The following STRN3 variants were observed in gnomAD, a reference collection of about 807,000 sequenced individuals.
STRN3 encodes striatin-3.
STRN3 carries 29 observed loss-of-function variants against 95.6 expected under a neutral mutation model. The observed-to-expected ratio is 0.30, with a 90% CI of 0.23 to 0.41. STRN3 has a LOEUF of 0.41. Ranked by LOEUF, STRN3 falls within the 10% of genes least tolerant of loss-of-function variation. The pLI, the probability that STRN3 is intolerant of heterozygous loss-of-function variation, is 1.00. For synonymous variants in STRN3, 331 were observed against 357.6 expected (o/e 0.93, Z 0.84); for missense variants, 890 against 972.1 (o/e 0.92, Z 1.12).
At chr14:30,905,664 T>C (rs1896443243) in intron 14 of STRN3, 106 bp from the exon 15 acceptor site, 3 of 1,203,136 alleles carry the variant, frequency 2.5e-6, no homozygotes, top group African/African-American at 1.6e-5. Context: ...ATTCAAATAG[T>C]CTTGAAATAC....
At chr14:30,968,672 C>A in intron 1 of STRN3, among the ~76,000 whole-genome samples, 1 of 96,744 alleles carries the variant, frequency 1.0e-5, no homozygotes, top group Non-Finnish European at 2.1e-5. Flanking sequence ...GAGGGAGACT[C>A]CATCTCAAAA....
At position 31,008,172 on chromosome 14, in the gene STRN3, C is replaced by A. The variant is rs543279212; in HGVS notation, c.282+17732G>T. ...CGCCGTTGCACTCTAGCCTAGGCAA[C>A]AGAGTGAGACTCCGTCTCAAAAAAA... On this transcript the variant is annotated intron_variant, in intron 1 of 17. Transcript: ENST00000357479. Among the ~76,000 whole-genome samples the A allele has an allele frequency of 3.3e-5, 5 of 150,534 alleles. 1 individual carries two copies. In the South Asian group the frequency reaches 1.1e-3, roughly 32 times the overall value.
At chr14:30,969,199 G>C (rs1880700517) in intron 1 of STRN3, among the ~76,000 whole-genome samples, 1 of 152,190 alleles carries the variant, frequency 6.6e-6, no homozygotes, top group African/African-American at 2.4e-5. Context: ...ACTTTGGGAG[G>C]CCGAGGAGGG....
chr14:30,949,250 AG>A (rs11478026), intron 4 of STRN3, among the ~76,000 whole-genome samples: 96,623 of 151,916 alleles, frequency 0.64, 31,702 homozygotes, highest in Non-Finnish European at 0.73. Context: ...GTCACTTATA[AG>A]GAGAGCCTGG....
At chr14:31,002,559 T>C (rs1882514533) in intron 1 of STRN3, among the ~76,000 whole-genome samples, 1 of 150,890 alleles carries the variant, frequency 6.6e-6, no homozygotes, top group South Asian at 2.1e-4. Context: ...GACAATCACT[T>C]GAACCCAGGA....
chr14:31,006,032 T>A (rs925235395), intron 1 of STRN3, among the ~76,000 whole-genome samples: 1 of 148,186 alleles, frequency 6.7e-6, no homozygotes, highest in Non-Finnish European at 1.5e-5. Context: ...GGCAGGACAA[T>A]CTCTTGAACC....
intron 7 of STRN3, 21 bp downstream of exon 7, chr14:30,935,142 G>T: frequency 6.2e-7 from 1 of 1,609,742 alleles, no homozygotes; most frequent in African/African-American, 1.3e-5. Flanking sequence ...CCTCCCACCC[G>T]GTATTTCTTT....
Position 30,914,632 on chromosome 14 carries a change from G to A in STRN3, c.1241-975C>T, listed in dbSNP as rs138890966. Reference sequence around the variant, plus strand: ...CTCCCAAAGTGCTGGGATTACAGGCGTGAGCCACCGCGCCCAGCCTGTCTT... The same window carrying A: ...CTCCCAAAGTGCTGGGATTACAGGCATGAGCCACCGCGCCCAGCCTGTCTT... On this transcript the variant is annotated intron_variant, in intron 9 of 17. Transcript: ENST00000357479. Among the ~76,000 whole-genome samples the A allele has an allele frequency of 3.4e-3, 519 of 152,248 alleles. 3 individuals are homozygous for A. The highest frequency in any genetic ancestry group is 0.012 in the African/African-American group (490 of 41,562).
chr14:30,928,719 T>TC (rs1878316616), intron 8 of STRN3, among the ~76,000 whole-genome samples: 1 of 152,250 alleles, frequency 6.6e-6, no homozygotes, highest in Non-Finnish European at 1.5e-5. Context: ...AGAGATTCTT[T>TC]TTGCTATTGT....
intron 1 of STRN3, among the ~76,000 whole-genome samples, chr14:30,965,411 G>C (rs1056422611): frequency 6.6e-6 from 1 of 151,956 alleles, no homozygotes; most frequent in Non-Finnish European, 1.5e-5. Context: ...GTGCATGGGG[G>C]TGCAGTGGTT....
chr14:30,925,208 C>T (rs1266349959), intron 8 of STRN3, among the ~76,000 whole-genome samples: 2 of 139,274 alleles, frequency 1.4e-5, no homozygotes, highest in East Asian at 4.2e-4. Flanking sequence ...CTTTTAACCC[C>T]TTTTCCTCTT....
chr14:30,955,729 T>A (rs750540173), intron 2 of STRN3, 36 bp from the exon 3 acceptor site: 25 of 1,513,592 alleles, frequency 1.7e-5, no homozygotes, highest in Non-Finnish European at 2.2e-5. Context: ...AAATCACAAC[T>A]TCTTCTTTTT....
At chr14:31,015,992 G>A (rs541129414) in intron 1 of STRN3, among the ~76,000 whole-genome samples, 43 of 152,254 alleles carry the variant, frequency 2.8e-4, no homozygotes, top group Middle Eastern at 6.8e-3. Context: ...TTAGGGGAAT[G>A]TAAATTAAAA....
intron 7 of STRN3, among the ~76,000 whole-genome samples, chr14:30,933,299 A>AAC (rs1878644683): frequency 1.3e-5 from 2 of 150,550 alleles, no homozygotes; most frequent in Admixed American, 1.3e-4. Context: ...AAAAAAAAAA[A>AAC]AAAAAACGAT....
Position 30,955,614 on chromosome 14 carries a change from G to A in STRN3, c.460+6C>T, listed in dbSNP as rs1312577226. ...AAAAAAAAAGTAACAGAAGAAGCAA[G>A]TTTACCTGACTCAAAGGTTGGCATT... On this transcript the variant is annotated splice_donor_region_variant and intron_variant, in intron 3 of 17. Coordinates refer to ENST00000357479, the MANE Select transcript of STRN3 (RefSeq NM_001083893.2). The A allele has an allele frequency of 1.3e-6, 2 of 1,563,702 alleles. No homozygotes were observed. The highest frequency in any genetic ancestry group is 4.3e-5 in the Admixed American group (2 of 47,032).
chr14:31,019,398 G>A (rs933390887), intron 1 of STRN3, among the ~76,000 whole-genome samples: 1 of 152,134 alleles, frequency 6.6e-6, no homozygotes, highest in Non-Finnish European at 1.5e-5. Flanking sequence ...ATCATGAGTC[G>A]TTGCTGTTTA....
chr14:31,022,731 G>C (rs1378005718), intron 1 of STRN3, among the ~76,000 whole-genome samples: 1 of 152,028 alleles, frequency 6.6e-6, no homozygotes, highest in African/African-American at 2.4e-5. Flanking sequence ...GAATCAGACA[G>C]ACTTGGGTTC....
chr14:31,020,119 G>A (rs1009119126), intron 1 of STRN3, among the ~76,000 whole-genome samples: 1 of 152,044 alleles, frequency 6.6e-6, no homozygotes, highest in African/African-American at 2.4e-5. Context: ...AGGTATTCCC[G>A]ATACTTCAGA....
intron 16 of STRN3, among the ~76,000 whole-genome samples, chr14:30,896,565 AAAGGG>A (rs967914548): frequency 7.5e-5 from 11 of 147,646 alleles, no homozygotes; most frequent in Non-Finnish European, 1.0e-4. Flanking sequence ...GAAAGAAAAG[AAAGGG>A]AAGGGGAGGG....
Sources: gnomAD v4.1 joint callset for allele counts (sites outside exome capture counted in the v4.1 genomes callset) on GRCh38, gnomAD v4.1.1 for gene constraint, MANE v1.5 for transcripts, NCBI Gene and HGNC (gene_info 2026-07-23, HGNC 2026-07-21) for gene names.